Variants in KIRREL3 observed in about 807,000 individuals in gnomAD.
The protein encoded by KIRREL3 is kirre like nephrin family adhesion molecule 3.
Under a neutral mutation model 89.7 loss-of-function variants are expected in KIRREL3, and 36 were observed. The ratio of observed to expected loss-of-function variants is 0.40; its 90% confidence interval spans 0.31 to 0.53. The LOEUF is 0.53. KIRREL3 is among the 20% of genes least tolerant of loss of function. The pLI, the probability that KIRREL3 is intolerant of heterozygous loss-of-function variation, is 0.49. For missense variants in KIRREL3, 864 were observed against 1,056.6 expected (o/e 0.82, Z 2.53); for synonymous variants, 445 against 441.4 (o/e 1.01, Z -0.10).
intron 1 of KIRREL3, among the ~76,000 whole-genome samples, chr11:126,604,026 T>C (rs1485247981): frequency 6.6e-6 from 1 of 152,222 alleles, no homozygotes; most frequent in Non-Finnish European, 1.5e-5. Context: ...ACTTTTCAGT[T>C]GACTTCCTTC....
rs191565508 is a variant in KIRREL3, at chr11:126,762,586, C to T, written c.56-199674G>A. On this transcript the variant is annotated intron_variant, in intron 1 of 16. Coordinates refer to ENST00000525144, the MANE Select transcript of KIRREL3 (RefSeq NM_032531.4). Reference sequence around the variant, plus strand: ...CTTTCCCATCTGTTTCTCACCTCCCCGTTGACCAGAATCTGGTCACAGCAG... The same window carrying T: ...CTTTCCCATCTGTTTCTCACCTCCCTGTTGACCAGAATCTGGTCACAGCAG... 4.1e-3 allele frequency among the ~76,000 whole-genome samples: 626 copies of T among 152,284 alleles called. 2 individuals carry two copies. Among genetic ancestry groups the T allele is most frequent in the African/African-American group, 0.012 (507 of 41,560 alleles).
At chr11:126,667,968 G>A (rs1375340333) in intron 1 of KIRREL3, among the ~76,000 whole-genome samples, 1 of 152,178 alleles carries the variant, frequency 6.6e-6, no homozygotes, top group Non-Finnish European at 1.5e-5. Context: ...CTGGGGCAAG[G>A]GGCAAGGCTG....
At chr11:126,913,819 G>A (rs1447370241) in intron 1 of KIRREL3, among the ~76,000 whole-genome samples, 1 of 152,130 alleles carries the variant, frequency 6.6e-6, no homozygotes, top group Non-Finnish European at 1.5e-5. Context: ...GCAGAGTAGA[G>A]TGCAGGTGGA....
rs565498569 is a variant in KIRREL3 at position 126,625,015 on chromosome 11, G to A, written c.56-62103C>T. 3.3e-5 allele frequency among the ~76,000 whole-genome samples: 5 copies of A among 152,260 alleles called. No homozygotes were observed. In the South Asian group the frequency reaches 1.0e-3, roughly 32 times the overall value. The stretch of plus-strand genomic sequence containing the variant: ...CATTATGGAAGCTTGCTGGGCCTTA[G>A]GAGCTTATACCATACCCTGTTTCAG... On this transcript the variant is annotated intron_variant, in intron 1 of 16. Transcript: ENST00000525144.
chr11:126,857,460 C>G (rs1236617749), intron 1 of KIRREL3, among the ~76,000 whole-genome samples: 1 of 152,196 alleles, frequency 6.6e-6, no homozygotes, highest in South Asian at 2.1e-4. Flanking sequence ...AGCTTCCCAG[C>G]AGGATCAAGC....
intron 1 of KIRREL3, among the ~76,000 whole-genome samples, chr11:126,793,077 CAT>C (rs745982913): frequency 1.1e-4 from 17 of 152,254 alleles, no homozygotes; most frequent in African/African-American, 2.9e-4. Context: ...CACTATCTCA[CAT>C]GTGTTAACTT....
chr11:126,800,756 T>G (rs757910389), intron 1 of KIRREL3, among the ~76,000 whole-genome samples: 8 of 152,146 alleles, frequency 5.3e-5, no homozygotes, highest in Non-Finnish European at 8.8e-5. Context: ...AGGTGTGAAC[T>G]CCAGGCTTTC....
Position 126,607,422 on chromosome 11 carries a change from A to G in KIRREL3, c.56-44510T>C, listed in dbSNP as rs1158506742. 6.6e-6 allele frequency among the ~76,000 whole-genome samples: 1 copy of G among 151,998 alleles called. No homozygotes were observed. Among genetic ancestry groups the G allele is most frequent in the Non-Finnish European group, 1.5e-5 (1 of 68,006 alleles). ...AGGAGAGATCAGGAAGGAGAGATCC[A>G]CATCTGGCTCCGAGCTGACTCTCGG... On this transcript the variant is annotated intron_variant, in intron 1 of 16. Coordinates refer to ENST00000525144, the MANE Select transcript of KIRREL3 (RefSeq NM_032531.4). This position sits in a 1 kb window ranked among gnomAD's most constrained non-coding sequence, Gnocchi z 6.6.
At chr11:126,585,803 T>C (rs1025576041) in intron 1 of KIRREL3, among the ~76,000 whole-genome samples, 3 of 152,216 alleles carry the variant, frequency 2.0e-5, no homozygotes, top group Non-Finnish European at 4.4e-5. Flanking sequence ...TAAAAGGTAC[T>C]CCATCAATGT....
chr11:126,871,539 C>G (rs1377496999), intron 1 of KIRREL3, among the ~76,000 whole-genome samples: 1 of 152,168 alleles, frequency 6.6e-6, no homozygotes, highest in African/African-American at 2.4e-5. Flanking sequence ...CTGAATAAAG[C>G]TGAAAGTAGT....
intron 1 of KIRREL3, among the ~76,000 whole-genome samples, chr11:126,756,592 G>A (rs1294533569): frequency 2.0e-5 from 3 of 152,252 alleles, no homozygotes; most frequent in African/African-American, 7.2e-5. Context: ...CCCTGGAAGA[G>A]AGTGGAGCCA....
chr11:126,659,486 A>G (rs2135006566), intron 1 of KIRREL3, among the ~76,000 whole-genome samples: 1 of 152,324 alleles, frequency 6.6e-6, no homozygotes, highest in Admixed American at 6.5e-5. Context: ...ACACTGGTCC[A>G]AGTGTCTAGT....
chr11:126,863,577 G>A (rs1003550703), intron 1 of KIRREL3, among the ~76,000 whole-genome samples: 4 of 148,308 alleles, frequency 2.7e-5, no homozygotes, highest in Admixed American at 6.7e-5. Context: ...GTTTGACTGC[G>A]TGTGAGTGTG....
At chr11:126,674,811 C>A (rs980275423) in intron 1 of KIRREL3, among the ~76,000 whole-genome samples, 2 of 152,200 alleles carry the variant, frequency 1.3e-5, no homozygotes, top group African/African-American at 4.8e-5. Flanking sequence ...TTACCCTGCA[C>A]ACTCCCACCA....
In KIRREL3 at chr11:126,955,370, A is replaced by G. The variant is rs188764374; in HGVS notation, c.55+45085T>C. On this transcript the variant is annotated intron_variant, in intron 1 of 16. Transcript: ENST00000525144. The surrounding 1 kb of genome is among the most constrained non-coding windows in gnomAD (Gnocchi z 4.6). ...AATTAATACACTGGGCTCCCTAACA[A>G]AGGGGAGGAGGTTGGAGAGCATTAA... Among the ~76,000 whole-genome samples, 4 of 152,304 alleles carry G rather than the reference A, an allele frequency of 2.6e-5. No homozygotes were observed. The highest frequency in any genetic ancestry group is 7.2e-5 in the African/African-American group (3 of 41,586).
rs1265997549 is a variant in KIRREL3 at position 126,594,186 on chromosome 11, A to G, written c.56-31274T>C. 6.6e-6 allele frequency among the ~76,000 whole-genome samples: 1 copy of G among 152,018 alleles called. No homozygotes were observed. Among genetic ancestry groups the G allele is most frequent in the African/African-American group, 2.4e-5 (1 of 41,360 alleles). On this transcript the variant is annotated intron_variant, in intron 1 of 16. Coordinates refer to ENST00000525144, the MANE Select transcript of KIRREL3 (RefSeq NM_032531.4). This position sits in a 1 kb window ranked among gnomAD's most constrained non-coding sequence, Gnocchi z 5.0. ...TAAGCTGTGGGACTCATCTACCTGG[A>G]GAAGAAGGCAGGCAGAAGAGGAAGG...
rs1957517632 is a variant in KIRREL3, at chr11:126,491,636, G to A, written c.434-18170C>T. Among the ~76,000 whole-genome samples the A allele has an allele frequency of 6.6e-6, 1 of 152,160 alleles. No homozygotes were observed. Among genetic ancestry groups the A allele is most frequent in the Non-Finnish European group, 1.5e-5 (1 of 68,024 alleles). ...AGAGAAGTTGAGCAACATGCCCAAA[G>A]CAGCCAAGATTACCGTTTCTTTGTG... On this transcript the variant is annotated intron_variant, in intron 4 of 16. Transcript: ENST00000525144. This position sits in a 1 kb window ranked among gnomAD's most constrained non-coding sequence, Gnocchi z 5.5.
chr11:126,633,338 T>G (rs1214625205), intron 1 of KIRREL3, among the ~76,000 whole-genome samples: 4 of 152,056 alleles, frequency 2.6e-5, no homozygotes, highest in Non-Finnish European at 5.9e-5. Context: ...CCTATCTCAT[T>G]TTTAGAAGAA....
intron 1 of KIRREL3, among the ~76,000 whole-genome samples, chr11:126,937,518 A>G (rs890157937): frequency 6.6e-6 from 1 of 152,164 alleles, no homozygotes; most frequent in South Asian, 2.1e-4. Flanking sequence ...CTTTGGAGAA[A>G]GCTTTTGCCT....
Sources: allele counts gnomAD v4.1 joint callset (sites outside exome capture counted in the v4.1 genomes callset), GRCh38; gene constraint gnomAD v4.1.1; non-coding constraint Gnocchi (gnomAD v3.1); transcripts MANE v1.5; gene names NCBI Gene and HGNC (gene_info 2026-07-23, HGNC 2026-07-21).